SNTG1: variants seen among roughly 807,000 people sequenced by gnomAD.
The protein encoded by SNTG1 is gamma-1-syntrophin.
SNTG1 carries 39 observed loss-of-function variants against 74.7 expected under a neutral mutation model. That is an observed-to-expected ratio of 0.52 (90% CI 0.40 to 0.68). The LOEUF (loss-of-function observed/expected upper bound fraction) is 0.68, where lower values mean the gene tolerates loss of function less well. Ranked by LOEUF, SNTG1 falls within the 30% of genes least tolerant of loss-of-function variation. The pLI is 0.00. For missense variants in SNTG1, 685 were observed against 609.5 expected, an observed-to-expected ratio of 1.12 and a Z score of -1.30; for synonymous variants, 254 against 217.1, an observed-to-expected ratio of 1.17 and a Z score of -1.49.
At chr8:50,706,729 A>G (rs1454261223) in intron 16 of SNTG1, among the ~76,000 whole-genome samples, 2 of 152,102 alleles carry the variant, frequency 1.3e-5, no homozygotes, top group Non-Finnish European at 2.9e-5. Flanking sequence ...ATAAGAAATC[A>G]ATGAACACCT....
At chr8:50,181,657 T>C (rs2083209715) in intron 2 of SNTG1, among the ~76,000 whole-genome samples, 1 of 152,236 alleles carries the variant, frequency 6.6e-6, no homozygotes, top group Non-Finnish European at 1.5e-5. Context: ...GGATTTCATT[T>C]TTATTTTTAA....
intron 17 of SNTG1, among the ~76,000 whole-genome samples, chr8:50,740,211 C>A (rs1355725622): frequency 6.6e-5 from 10 of 151,594 alleles, no homozygotes; most frequent in Non-Finnish European, 1.0e-4. Context: ...AAAATTTTTG[C>A]AAACTGTGCA....
rs1440157663 is a variant in SNTG1 at position 50,438,531 on chromosome 8, C to G, written c.163-12C>G. 1.2e-6 allele frequency: 2 copies of G among 1,611,746 alleles called. No individual in the cohort carries two copies. Among genetic ancestry groups the G allele is most frequent in the African/African-American group, 1.3e-5 (1 of 74,928 alleles). ...GGAAACACTAACCATTCTTAAAAAT[C>G]CTGTCTTTCAGGAAAGAACGGTGAC... On this transcript the variant is annotated splice_polypyrimidine_tract_variant and intron_variant, in intron 4 of 18. Transcript: ENST00000642720.
chr8:50,019,300 C>A (rs1015804975), intron 1 of SNTG1, among the ~76,000 whole-genome samples: 1 of 151,994 alleles, frequency 6.6e-6, no homozygotes, highest in Admixed American at 6.6e-5. Context: ...GATGTAAGTT[C>A]TTTTACTTGG....
chr8:50,308,800 T>G (rs116700618), intron 2 of SNTG1, among the ~76,000 whole-genome samples: 4 of 152,190 alleles, frequency 2.6e-5, no homozygotes, highest in Non-Finnish European at 5.9e-5. Flanking sequence ...GCTCTTAAAG[T>G]CAGAAACGCT....
intron 15 of SNTG1, among the ~76,000 whole-genome samples, chr8:50,691,115 A>G (rs931480694): frequency 4.0e-5 from 6 of 151,898 alleles, no homozygotes; most frequent in African/African-American, 9.7e-5. Flanking sequence ...ATCTCCCTCC[A>G]TCCCTTTATT....
intron 12 of SNTG1, among the ~76,000 whole-genome samples, chr8:50,580,532 G>A (rs553331316): frequency 6.6e-6 from 1 of 152,264 alleles, no homozygotes; most frequent in East Asian, 1.9e-4. Context: ...TTAGCCCAAT[G>A]TGTCATGGGA....
chr8:50,035,804 C>T (rs936522561), intron 1 of SNTG1, among the ~76,000 whole-genome samples: 6 of 152,128 alleles, frequency 3.9e-5, no homozygotes, highest in African/African-American at 1.4e-4. Context: ...TGGACCGGAA[C>T]ACACAAATCC....
chr8:49,914,052 C>G (rs1333071905), intron 1 of SNTG1, among the ~76,000 whole-genome samples: 2 of 152,240 alleles, frequency 1.3e-5, no homozygotes, highest in African/African-American at 2.4e-5. Flanking sequence ...CATGGAAACC[C>G]TTGTCAATCC....
chr8:50,110,363 T>C (rs545106771), intron 1 of SNTG1, among the ~76,000 whole-genome samples: 2 of 152,270 alleles, frequency 1.3e-5, no homozygotes, highest in Admixed American at 1.3e-4. Flanking sequence ...TGTCTGGCTA[T>C]CAGCCTACTC....
intron 18 of SNTG1, among the ~76,000 whole-genome samples, chr8:50,778,050 G>T (rs547434730): frequency 1.3e-5 from 2 of 152,028 alleles, no homozygotes; most frequent in African/African-American, 4.8e-5. Flanking sequence ...TTTTATGGCC[G>T]CATAGTATTC....
At chr8:50,617,914 T>C (rs1397505945) in intron 13 of SNTG1, among the ~76,000 whole-genome samples, 1 of 152,226 alleles carries the variant, frequency 6.6e-6, no homozygotes, top group Non-Finnish European at 1.5e-5. Flanking sequence ...GGATTTCATT[T>C]CTGCCTTTTA....
At chr8:50,296,109 A>G (rs750598335) in intron 2 of SNTG1, among the ~76,000 whole-genome samples, 3 of 152,178 alleles carry the variant, frequency 2.0e-5, no homozygotes, top group Non-Finnish European at 4.4e-5. Context: ...GAGATGGAGA[A>G]CACCATGTTC....
intron 2 of SNTG1, among the ~76,000 whole-genome samples, chr8:50,247,904 A>C (rs542048506): frequency 1.3e-5 from 2 of 152,202 alleles, no homozygotes; most frequent in East Asian, 3.9e-4. Flanking sequence ...TTTGTAGGCA[A>C]GAAGTCTGAG....
chr8:50,535,604 G>A (rs529749998), intron 10 of SNTG1, among the ~76,000 whole-genome samples: 1 of 152,232 alleles, frequency 6.6e-6, no homozygotes, highest in South Asian at 2.1e-4. Flanking sequence ...ACACTTCCAG[G>A]TATTCTAAAC....
At chr8:50,065,564 T>C (rs2130965340) in intron 1 of SNTG1, among the ~76,000 whole-genome samples, 1 of 152,336 alleles carries the variant, frequency 6.6e-6, no homozygotes, top group South Asian at 2.1e-4. Context: ...TTTGCTTTTA[T>C]TGCATCTTAT....
intron 2 of SNTG1, among the ~76,000 whole-genome samples, chr8:50,270,805 AC>A (rs1372361500): frequency 6.6e-6 from 1 of 152,208 alleles, no homozygotes; most frequent in East Asian, 1.9e-4. Context: ...AGACCTAAAA[AC>A]AAAGAGCTGT....
At chr8:50,420,322 CAG>C (rs2093066614) in intron 4 of SNTG1, among the ~76,000 whole-genome samples, 1 of 151,988 alleles carries the variant, frequency 6.6e-6, no homozygotes, top group African/African-American at 2.4e-5. Flanking sequence ...ATCCAAATGA[CAG>C]TGTAGTTTTC....
chr8:49,927,689 G>A (rs1477182165), intron 1 of SNTG1, among the ~76,000 whole-genome samples: 1 of 151,700 alleles, frequency 6.6e-6, no homozygotes, highest in East Asian at 1.9e-4. Context: ...GGGGAGGGAG[G>A]GATAAGTAGG....
Sources: allele counts gnomAD v4.1 joint callset (sites outside exome capture counted in the v4.1 genomes callset), GRCh38; gene constraint gnomAD v4.1.1; transcripts MANE v1.5; gene names NCBI Gene and HGNC (gene_info 2026-07-23, HGNC 2026-07-21).